MALRD1: variants seen among roughly 807,000 people sequenced by gnomAD.
MALRD1 encodes MAM and LDL receptor class A domain containing 1.
MALRD1 carries 247 observed loss-of-function variants against 242.1 expected under a neutral mutation model. The ratio of observed to expected loss-of-function variants is 1.02; its 90% CI spans 0.92 to 1.13. The LOEUF (loss-of-function observed/expected upper bound fraction) is 1.13. Ranked by LOEUF, MALRD1 falls within the 50% of genes most tolerant of loss-of-function variation. MALRD1 has a pLI of 0.00. For synonymous variants in MALRD1, 995 were observed against 866.6 expected (o/e 1.15, Z -2.60); for missense variants, 2,989 against 2,533.1 (o/e 1.18, Z -3.86).
chr10:19,436,104 C>T (rs758112120), intron 28 of MALRD1, among the ~76,000 whole-genome samples: 3 of 152,182 alleles, frequency 2.0e-5, no homozygotes, highest in Non-Finnish European at 2.9e-5. Flanking sequence ...GACTTCAGCC[C>T]TACAAGATGT....
chr10:19,235,613 A>AGAGAGAGAGAGAGC (rs769851042), intron 18 of MALRD1, among the ~76,000 whole-genome samples: 26 of 143,836 alleles, frequency 1.8e-4, no homozygotes, highest in Middle Eastern at 3.6e-3. Context: ...AGAGAGAGAG[A>AGAGAGAGAGAGAGC]GCGCCTAGGT....
chr10:19,547,290 T>G (rs993744833), intron 32 of MALRD1, among the ~76,000 whole-genome samples: 8 of 152,134 alleles, frequency 5.3e-5, no homozygotes, highest in Non-Finnish European at 1.5e-5. Context: ...TTTTCAGTTC[T>G]TCCTCCTGTG....
rs573100249 is a variant in MALRD1, at chr10:19,584,198, G to T, written c.5681-10996G>T. The stretch of plus-strand genomic sequence containing the variant: ...CAGCTCCTGGATTCATTGATTTTTT[G>T]AAGGGTTTTTTGTGTCTCTATTTCC... On this transcript the variant is annotated intron_variant, in intron 33 of 39. Coordinates refer to ENST00000454679, the MANE Select transcript of MALRD1 (RefSeq NM_001142308.3). 4.6e-4 allele frequency among the ~76,000 whole-genome samples: 70 copies of T among 151,946 alleles called. No homozygotes were observed. In the East Asian group the frequency reaches 0.011, roughly 25 times the overall value.
chr10:19,117,700 G>A (rs554380845), intron 5 of MALRD1, among the ~76,000 whole-genome samples: 1 of 152,102 alleles, frequency 6.6e-6, no homozygotes, highest in Non-Finnish European at 1.5e-5. Context: ...AAGAGGATTT[G>A]CATATTCATC....
At chr10:19,447,077 C>G (rs1355823406) in intron 28 of MALRD1, among the ~76,000 whole-genome samples, 4 of 129,590 alleles carry the variant, frequency 3.1e-5, no homozygotes, top group South Asian at 2.6e-4. Flanking sequence ...CAGACACACA[C>G]ACACACACAC....
chr10:19,314,380 T>C (rs966199166), intron 21 of MALRD1, among the ~76,000 whole-genome samples: 23 of 151,486 alleles, frequency 1.5e-4, no homozygotes, highest in African/African-American at 5.6e-4. Context: ...CTGTGGAAGA[T>C]TAGTAAGTAT....
intron 18 of MALRD1, among the ~76,000 whole-genome samples, chr10:19,242,319 C>G (rs768612127): frequency 6.6e-6 from 1 of 152,126 alleles, no homozygotes; most frequent in Admixed American, 6.6e-5. Context: ...CAATTATCTC[C>G]CACTGGTTCC....
At chr10:19,613,245 T>C (rs982920641) in intron 35 of MALRD1, among the ~76,000 whole-genome samples, 2 of 152,004 alleles carry the variant, frequency 1.3e-5, no homozygotes, top group African/African-American at 4.8e-5. Context: ...ACCACAAATC[T>C]TTATCTCTAC....
chr10:19,561,450 T>A (rs1835957836), intron 32 of MALRD1, among the ~76,000 whole-genome samples: 1 of 152,178 alleles, frequency 6.6e-6, no homozygotes, highest in South Asian at 2.1e-4. Flanking sequence ...AGTAAATTCA[T>A]TAGTAAATTG....
intron 11 of MALRD1, among the ~76,000 whole-genome samples, chr10:19,152,926 C>T (rs1177371689): frequency 6.6e-6 from 1 of 151,996 alleles, no homozygotes; most frequent in African/African-American, 2.4e-5. Flanking sequence ...ATGTCATTTC[C>T]CATTTTAATT....
chr10:19,218,410 G>A (rs747912665), intron 18 of MALRD1, among the ~76,000 whole-genome samples: 2 of 152,024 alleles, frequency 1.3e-5, no homozygotes, highest in Admixed American at 6.6e-5. Flanking sequence ...TTGAAAATAC[G>A]AAGAGTGTTA....
intron 33 of MALRD1, among the ~76,000 whole-genome samples, chr10:19,583,864 T>C (rs1160151729): frequency 1.3e-5 from 2 of 152,112 alleles, no homozygotes; most frequent in Non-Finnish European, 1.5e-5. Context: ...TGGACTCTTT[T>C]TGGTTGGTAA....
At chr10:19,103,150 C>T (rs1004444271) in intron 4 of MALRD1, among the ~76,000 whole-genome samples, 1 of 151,998 alleles carries the variant, frequency 6.6e-6, no homozygotes, top group African/African-American at 2.4e-5. Flanking sequence ...TGACAGGCCA[C>T]GTTCAGTCAT....
chr10:19,080,096 C>G (rs1165191575), intron 2 of MALRD1, among the ~76,000 whole-genome samples: 1 of 152,052 alleles, frequency 6.6e-6, no homozygotes, highest in African/African-American at 2.4e-5. Flanking sequence ...GAGCTACAAA[C>G]TACTGCTGAA....
chr10:19,072,355 G>A (rs1035264753), intron 2 of MALRD1, among the ~76,000 whole-genome samples: 1 of 152,040 alleles, frequency 6.6e-6, no homozygotes, highest in African/African-American at 2.4e-5. Context: ...AATACATAAA[G>A]CATGGCTGTG....
In MALRD1 at chr10:19,652,469, G is replaced by A. The variant is rs530119809; in HGVS notation, c.6137+36546G>A. 3.2e-4 allele frequency among the ~76,000 whole-genome samples: 49 copies of A among 152,280 alleles called. No homozygotes were observed. The South Asian group carries it at 7.9e-3, about 24-fold the overall frequency. On this transcript the variant is annotated intron_variant, in intron 36 of 39. Transcript: ENST00000454679. Reference sequence around the variant, plus strand: ...TAGTACCAAGATCATGAAAGTTTGCGTATGATACTGTAAAGAGTATAAGCT... The same window carrying A: ...TAGTACCAAGATCATGAAAGTTTGCATATGATACTGTAAAGAGTATAAGCT...
intron 21 of MALRD1, among the ~76,000 whole-genome samples, chr10:19,303,732 T>A (rs1415151154): frequency 1.3e-5 from 2 of 151,752 alleles, no homozygotes; most frequent in Non-Finnish European, 3.0e-5. Flanking sequence ...GTTGAGATAT[T>A]TATGTCTTTT....
chr10:19,344,505 G>A (rs372574200), intron 24 of MALRD1, among the ~76,000 whole-genome samples: 97 of 151,970 alleles, frequency 6.4e-4, no homozygotes, highest in African/African-American at 2.1e-3. Flanking sequence ...TATTGATCTA[G>A]GTATCTATTC....
chr10:19,439,124 TA>T (rs1183008682), intron 28 of MALRD1, among the ~76,000 whole-genome samples: 1 of 136,952 alleles, frequency 7.3e-6, no homozygotes, highest in Non-Finnish European at 1.6e-5. Flanking sequence ...AATTGTTTTT[TA>T]AAAATTATAA....
Sources: allele counts gnomAD v4.1 joint callset (sites outside exome capture counted in the v4.1 genomes callset), GRCh38; gene constraint gnomAD v4.1.1; transcripts MANE v1.5; gene names NCBI Gene and HGNC (gene_info 2026-07-23, HGNC 2026-07-21).